The following RCAN1 variants were observed in gnomAD, a reference collection of about 807,000 sequenced individuals.
RCAN1 encodes regulator of calcineurin 1, also known as calcipressin-1.
Under a neutral mutation model 22.9 loss-of-function variants are expected in RCAN1, and 11 were observed. The observed-to-expected ratio is 0.48, with a 90% CI of 0.30 to 0.79. RCAN1 has a LOEUF of 0.79. RCAN1 is among the 30% of genes least tolerant of loss of function. RCAN1 has a pLI of 0.06. For synonymous variants in RCAN1, 136 were observed against 142.3 expected, an observed-to-expected ratio of 0.96 and a Z score of 0.32; for missense variants, 291 against 337.8, an observed-to-expected ratio of 0.86 and a Z score of 1.09.
At chr21:34,530,906 T>C (rs1985358599) in intron 1 of RCAN1, among the ~76,000 whole-genome samples, 1 of 152,224 alleles carries the variant, frequency 6.6e-6, no homozygotes, top group African/African-American at 2.4e-5. Context: ...AGTTTTACTG[T>C]TACTTCACAT....
At chr21:34,528,945 T>C (rs537376541) in intron 1 of RCAN1, among the ~76,000 whole-genome samples, 6 of 142,412 alleles carry the variant, frequency 4.2e-5, no homozygotes, top group Non-Finnish European at 9.3e-5. Context: ...TTGATTTCGT[T>C]ATATGGATGG....
chr21:34,598,233 G>T (rs1216786493), intron 1 of RCAN1, among the ~76,000 whole-genome samples: 1 of 152,134 alleles, frequency 6.6e-6, no homozygotes, highest in African/African-American at 2.4e-5. Flanking sequence ...TCCCAAAGAA[G>T]AAGCAGCAAA....
intron 1 of RCAN1, among the ~76,000 whole-genome samples, chr21:34,605,878 C>T (rs1368749777): frequency 6.8e-6 from 1 of 147,776 alleles, no homozygotes; most frequent in East Asian, 2.0e-4. Context: ...TGAGATCGTG[C>T]CATTGTACTC....
intron 1 of RCAN1, among the ~76,000 whole-genome samples, chr21:34,606,548 C>T (rs865825402): frequency 3.9e-5 from 6 of 152,210 alleles, no homozygotes; most frequent in Admixed American, 2.0e-4. Context: ...CAAAGATTAA[C>T]AAAAATTAAA....
intron 1 of RCAN1, among the ~76,000 whole-genome samples, chr21:34,612,959 C>T (rs1344360401): frequency 6.6e-6 from 1 of 152,254 alleles, no homozygotes; most frequent in East Asian, 1.9e-4. Flanking sequence ...GCATTTATCA[C>T]TATCCGAAAT....
At chr21:34,526,374 A>C (rs1480690363) in intron 1 of RCAN1, among the ~76,000 whole-genome samples, 1 of 152,256 alleles carries the variant, frequency 6.6e-6, no homozygotes, top group African/African-American at 2.4e-5. Context: ...TGAAAAGTTC[A>C]CTTACAACAT....
At chr21:34,530,924 C>T (rs191869281) in intron 1 of RCAN1, among the ~76,000 whole-genome samples, 1 of 152,270 alleles carries the variant, frequency 6.6e-6, no homozygotes, top group African/African-American at 2.4e-5. Flanking sequence ...CATGTGTAAC[C>T]ATTCCCTATA....
intron 1 of RCAN1, among the ~76,000 whole-genome samples, chr21:34,538,287 A>T (rs1985764692): frequency 1.3e-5 from 2 of 152,166 alleles, no homozygotes; most frequent in Non-Finnish European, 2.9e-5. Flanking sequence ...TCTTGTACAA[A>T]TCTATGGTAC....
intron 1 of RCAN1, among the ~76,000 whole-genome samples, chr21:34,584,790 A>G (rs578163146): frequency 1.3e-5 from 2 of 152,334 alleles, no homozygotes; most frequent in Admixed American, 1.3e-4. Context: ...ATCAACCTGT[A>G]CCCATAATTC....
intron 1 of RCAN1, chr21:34,525,439 C>A: frequency 7.2e-7 from 1 of 1,397,518 alleles, no homozygotes; most frequent in East Asian, 2.6e-5. Flanking sequence ...CTCTTTTTCC[C>A]CACCTCTCTT....
At chr21:34,556,093 T>TAAATAAATAAAG (rs1986558732) in intron 1 of RCAN1, among the ~76,000 whole-genome samples, 1 of 60,236 alleles carries the variant, frequency 1.7e-5, no homozygotes, top group Non-Finnish European at 3.1e-5. Flanking sequence ...AATAAATAAA[T>TAAATAAATAAAG]AAATAATTAA....
At chr21:34,583,222 A>G (rs1415951138) in intron 1 of RCAN1, among the ~76,000 whole-genome samples, 1 of 132,868 alleles carries the variant, frequency 7.5e-6, no homozygotes, top group Non-Finnish European at 1.5e-5. Flanking sequence ...CTTGTCGCCC[A>G]GGCTAGAGTG....
At chr21:34,527,100 T>A in intron 1 of RCAN1, 1 of 435,828 alleles carries the variant, frequency 2.3e-6, no homozygotes, top group Non-Finnish European at 3.3e-6. Flanking sequence ...CAACCTCTCT[T>A]GCAGCATAGT....
chr21:34,588,829 G>A (rs1348102663), intron 1 of RCAN1, among the ~76,000 whole-genome samples: 1 of 152,212 alleles, frequency 6.6e-6, no homozygotes, highest in Non-Finnish European at 1.5e-5. Flanking sequence ...CATCCATACA[G>A]TAGAATATTA....
chr21:34,563,764 A>ACC (rs1361853783), intron 1 of RCAN1, among the ~76,000 whole-genome samples: 1 of 92,750 alleles, frequency 1.1e-5, no homozygotes, highest in African/African-American at 5.5e-5. Context: ...CAAAAAAAAA[A>ACC]AAAAAAATAT....
intron 1 of RCAN1, among the ~76,000 whole-genome samples, chr21:34,592,244 A>G (rs943327534): frequency 1.3e-5 from 2 of 152,234 alleles, no homozygotes; most frequent in African/African-American, 4.8e-5. Flanking sequence ...ACCTGGCATC[A>G]AGGCCACCCT....
At chr21:34,532,481 T>A (rs1239062473) in intron 1 of RCAN1, among the ~76,000 whole-genome samples, 2 of 152,224 alleles carry the variant, frequency 1.3e-5, no homozygotes, top group Non-Finnish European at 2.9e-5. Flanking sequence ...ACACCCTGGT[T>A]CTAAACGGTG....
chr21:34,606,768 A>G (rs1988539259), intron 1 of RCAN1, among the ~76,000 whole-genome samples: 1 of 152,120 alleles, frequency 6.6e-6, no homozygotes. Context: ...CTGAGGAAAG[A>G]CCACGTAGGG....
At position 34,614,742 on chromosome 21, in the gene RCAN1, G is replaced by T; in HGVS notation, c.252+18C>A. On this transcript the variant is annotated intron_variant, in intron 1 of 3. Coordinates refer to ENST00000313806, the MANE Select transcript of RCAN1 (RefSeq NM_004414.7). The surrounding 1 kb of genome is among the most constrained non-coding windows in gnomAD (Gnocchi z 6.0). Reference sequence around the variant, plus strand: ...TGTCCGCCCTCCGCCCCGACGGCCCGCCCGGCGCGGTCCTCACCCGGCACA... The same window carrying T: ...TGTCCGCCCTCCGCCCCGACGGCCCTCCCGGCGCGGTCCTCACCCGGCACA... 1 of 1,409,556 alleles carries T rather than the reference G, an allele frequency of 7.1e-7. No homozygotes were observed. The allele number at this position is 1,409,556 out of a possible 1,614,324, so 87.3% of individuals were successfully genotyped here. A position where few individuals can be genotyped will look rare whatever the true frequency, so the allele number is the denominator to read the frequency against.
Sources: gnomAD v4.1 joint callset for allele counts (sites outside exome capture counted in the v4.1 genomes callset) on GRCh38, gnomAD v4.1.1 for gene constraint, Gnocchi (gnomAD v3.1) non-coding constraint, MANE v1.5 for transcripts, NCBI Gene and HGNC (gene_info 2026-07-23, HGNC 2026-07-21) for gene names.